The following INSL6 variants were observed in gnomAD, a reference collection of about 807,000 sequenced individuals.
INSL6 encodes the protein insulin-like peptide INSL6.
Under a neutral mutation model 9.4 loss-of-function variants are expected in INSL6, and 16 were observed. That is an observed-to-expected ratio of 1.70 (90% CI 1.15 to 2.59). The LOEUF (loss-of-function observed/expected upper bound fraction) is 2.59. Among genes scored for constraint, INSL6 ranks in the 30% most tolerant of loss-of-function variants. INSL6 has a pLI of 0.00. For synonymous variants in INSL6, 154 were observed against 96.9 expected, an observed-to-expected ratio of 1.59 and a Z score of -3.46; for missense variants, 391 against 257.3, an observed-to-expected ratio of 1.52 and a Z score of -3.56.
chr9:5,104,149 A>G, the INSL6 span, among the ~76,000 whole-genome samples: 1 of 152,208 alleles, frequency 6.6e-6, no homozygotes, highest in Non-Finnish European at 1.5e-5. Flanking sequence ...AAGATCAACA[A>G]AATAGATACA....
At chr9:5,001,185 T>C in the INSL6 span, among the ~76,000 whole-genome samples, 1 of 152,196 alleles carries the variant, frequency 6.6e-6, no homozygotes. Flanking sequence ...TCTATGTCTT[T>C]TATTTCATTT....
intron 2 of INSL6, among the ~76,000 whole-genome samples, chr9:5,139,033 T>C (rs1824438927): frequency 2.0e-5 from 3 of 152,202 alleles, no homozygotes; most frequent in Non-Finnish European, 2.9e-5. Context: ...CCATATGTTA[T>C]ATTACTGTGT....
intron 2 of INSL6, among the ~76,000 whole-genome samples, chr9:5,151,596 C>T (rs183316471): frequency 9.9e-5 from 15 of 151,734 alleles, no homozygotes; most frequent in Non-Finnish European, 1.2e-4. Context: ...GAAGTTAGTC[C>T]GTGATATAAA....
chr9:5,085,555 A>T, the INSL6 span: 1 of 695,606 alleles, frequency 1.4e-6, no homozygotes, highest in Non-Finnish European at 2.7e-6. Context: ...TAAAATAGAT[A>T]TAACAGCTGT....
At chr9:5,055,032 C>A in the INSL6 span, 11 of 507,288 alleles carry the variant, frequency 2.2e-5, no homozygotes, top group Non-Finnish European at 3.7e-5. Flanking sequence ...CTATCAAGGT[C>A]ATATAATTCT....
the INSL6 span, among the ~76,000 whole-genome samples, chr9:5,042,124 C>CTTT: frequency 1.4e-3 from 150 of 107,596 alleles, no homozygotes; most frequent in African/African-American, 1.8e-3. Flanking sequence ...GCCAAAATTT[C>CTTT]TTTTTTTTTT....
At position 5,130,247 on chromosome 9, in the gene INSL6, A is replaced by G. The variant is rs374145422; in HGVS notation, c.*10+3178T>C. Among the ~76,000 whole-genome samples the G allele has an allele frequency of 4.9e-4, 75 of 152,246 alleles. 1 individual carries two copies. The highest frequency in any genetic ancestry group is 2.7e-3 in the South Asian group (13 of 4,830). On this transcript the variant is annotated intron_variant, in intron 3 of 3. Transcript: ENST00000649639. ...TTATTTGTATTATAAGCTTCTGTGA[A>G]TGTTTTAATTTTAATAGCAGTAGTA...
At position 5,134,116 on chromosome 9, in the gene INSL6, G is replaced by A. The variant is rs113622812; in HGVS notation, c.377-524C>T. The stretch of plus-strand genomic sequence containing the variant: ...ACCAGAGATTGCAGATCAACTTAAC[G>A]AAATAAAGCAAGAAGACAAGATTAG... On this transcript the variant is annotated intron_variant, in intron 2 of 3. Coordinates refer to the INSL6 transcript ENST00000649639. Among the ~76,000 whole-genome samples the A allele has an allele frequency of 4.4e-3, 662 of 152,110 alleles. 3 individuals carry two copies. Among genetic ancestry groups the A allele is most frequent in the African/African-American group, 0.015 (634 of 41,500 alleles).
the INSL6 span, among the ~76,000 whole-genome samples, chr9:4,995,415 G>C: frequency 6.6e-6 from 1 of 152,112 alleles, no homozygotes; most frequent in East Asian, 1.9e-4. Flanking sequence ...TTGTTTTCTT[G>C]TTCCATCTGG....
the INSL6 span, among the ~76,000 whole-genome samples, chr9:5,027,675 C>G: frequency 6.6e-6 from 1 of 152,232 alleles, no homozygotes; most frequent in Admixed American, 6.5e-5. Context: ...CACTCAAACC[C>G]TGCCACTGCT....
the INSL6 span, among the ~76,000 whole-genome samples, chr9:5,117,677 A>T: frequency 1.2e-5 from 1 of 83,778 alleles, no homozygotes; most frequent in Non-Finnish European, 2.4e-5. Context: ...ATAAATTAAT[A>T]AATATTTTTA....
At chr9:5,105,546 T>C in the INSL6 span, among the ~76,000 whole-genome samples, 2 of 152,132 alleles carry the variant, frequency 1.3e-5, no homozygotes, top group Non-Finnish European at 2.9e-5. Context: ...ACTTTTTTCA[T>C]AGAACTGGAA....
At chr9:5,157,806 C>T (rs1443735386) in intron 2 of INSL6, among the ~76,000 whole-genome samples, 1 of 152,098 alleles carries the variant, frequency 6.6e-6, no homozygotes, top group African/African-American at 2.4e-5. Context: ...CATCCACAAG[C>T]ATCAAGACTA....
At chr9:5,090,409 G>T in the INSL6 span, 2 of 1,440,298 alleles carry the variant, frequency 1.4e-6, no homozygotes, top group African/African-American at 2.8e-5. Context: ...GTATAATATG[G>T]CAGAGTAAAA....
chr9:5,185,485 C>G lies in INSL6; in HGVS notation c.118G>C (p.Glu40Gln). 2 of 1,614,206 alleles carry G rather than the reference C, an allele frequency of 1.2e-6. No individual in the cohort carries two copies. Among genetic ancestry groups the G allele is most frequent in the Non-Finnish European group, 1.7e-6 (2 of 1,180,034 alleles). ...RKLCGRYLVK[E>Q]IEKLCGHANW... is the part of the protein sequence containing the mutation. The stretch of plus-strand genomic sequence containing the variant: ...GCATGGCCGCAGAGTTTTTCTATTT[C>G]TTTCACCAAGTACCTGCCGCACAGC... The change falls in exon 1 of 2, where the codon GAA becomes CAA. Residue 40 changes from glutamate to glutamine, a missense_variant. Physicochemically the swap from Glu to Gln is conservative, Grantham distance 29. Transcript: ENST00000381641.
intron 1 of INSL6, among the ~76,000 whole-genome samples, chr9:5,180,261 G>A (rs1384976610): frequency 6.6e-6 from 1 of 152,128 alleles, no homozygotes; most frequent in African/African-American, 2.4e-5. Flanking sequence ...TGATAATTGT[G>A]TTAACTGTAC....
chr9:5,091,018 T>C, the INSL6 span: 3 of 786,930 alleles, frequency 3.8e-6, no homozygotes, highest in Non-Finnish European at 2.0e-6. Flanking sequence ...ACAGTGAACA[T>C]TTAAGTCTTT....
At chr9:5,114,599 G>A in the INSL6 span, 2 of 490,088 alleles carry the variant, frequency 4.1e-6, no homozygotes, top group Non-Finnish European at 8.0e-6. Flanking sequence ...TGGTGCAGTG[G>A]CTGTACAACG....
intron 1 of INSL6, among the ~76,000 whole-genome samples, chr9:5,167,824 G>A (rs139075510): frequency 6.4e-4 from 97 of 152,216 alleles, no homozygotes; most frequent in East Asian, 2.5e-3. Context: ...TGTTCTGCTG[G>A]CATCAGGTTA....
Sources: gnomAD v4.1 joint callset for allele counts (sites outside exome capture counted in the v4.1 genomes callset) on GRCh38, gnomAD v4.1.1 for gene constraint, MANE v1.5 for transcripts, NCBI Gene and HGNC (gene_info 2026-07-23, HGNC 2026-07-21) for gene names.